The following KIF18A variants were observed in gnomAD, a reference collection of about 807,000 sequenced individuals.
KIF18A encodes kinesin-like protein KIF18A.
A neutral mutation model predicts 103.3 loss-of-function variants in KIF18A; 67 were observed. The observed-to-expected ratio is 0.65, with a 90% confidence interval of 0.53 to 0.79. The LOEUF is 0.79. KIF18A is among the 30% of genes least tolerant of loss of function. KIF18A has a pLI of 0.00. For missense variants in KIF18A, 1,032 were observed against 1,062.5 expected (o/e 0.97, Z 0.40); for synonymous variants, 367 against 355.5 (o/e 1.03, Z -0.36).
At chr11:28,063,339 C>G (rs919432027) in intron 11 of KIF18A, among the ~76,000 whole-genome samples, 1 of 152,040 alleles carries the variant, frequency 6.6e-6, no homozygotes, top group Non-Finnish European at 1.5e-5. Context: ...CCAAATATTA[C>G]GTCTGTTCTC....
chr11:28,084,366 AG>A (rs1851200464), intron 7 of KIF18A: 1 of 156,178 alleles, frequency 6.4e-6, no homozygotes, highest in Non-Finnish European at 1.4e-5. Flanking sequence ...GACATCAAAG[AG>A]GTTAGGGAGA....
chr11:28,058,575 T>C (rs898649308), intron 13 of KIF18A, among the ~76,000 whole-genome samples: 2 of 136,048 alleles, frequency 1.5e-5, no homozygotes, highest in Admixed American at 1.7e-4. Flanking sequence ...AGTGGAAGGA[T>C]TGCTAGAGCC....
chr11:28,031,749 G>A (rs944739889), intron 15 of KIF18A, among the ~76,000 whole-genome samples: 1 of 151,054 alleles, frequency 6.6e-6, no homozygotes, highest in Non-Finnish European at 1.5e-5. Context: ...AGCCATACAC[G>A]ACAGACCCAC....
At chr11:28,096,547 T>G (rs894953172) in intron 2 of KIF18A, among the ~76,000 whole-genome samples, 4 of 152,114 alleles carry the variant, frequency 2.6e-5, no homozygotes, top group African/African-American at 7.2e-5. Context: ...AGAGTCTACT[T>G]TTTTTCTTAG....
At chr11:28,052,266 C>G (rs1447483337) in intron 13 of KIF18A, among the ~76,000 whole-genome samples, 4 of 152,064 alleles carry the variant, frequency 2.6e-5, no homozygotes, top group Admixed American at 6.6e-5. Context: ...TGTTACATTT[C>G]TGCTCAGACC....
At chr11:28,101,069 G>A (rs905357191) in intron 1 of KIF18A, among the ~76,000 whole-genome samples, 1 of 152,094 alleles carries the variant, frequency 6.6e-6, no homozygotes, top group African/African-American at 2.4e-5. Flanking sequence ...AAGAGACTGA[G>A]TTCATCTTTT....
At chr11:28,024,132 A>G (rs1320166608) in intron 15 of KIF18A, among the ~76,000 whole-genome samples, 1 of 151,176 alleles carries the variant, frequency 6.6e-6, no homozygotes, top group Non-Finnish European at 1.5e-5. Context: ...CTTTGCTGGC[A>G]GATAAGTAAG....
intron 13 of KIF18A, 29 bp from the exon 14 acceptor site, chr11:28,036,693 G>A (rs745412515): frequency 2.2e-6 from 3 of 1,385,070 alleles, no homozygotes; most frequent in South Asian, 2.9e-5. Context: ...AAAGACACTC[G>A]ATAATGTTTC....
At chr11:28,061,837 G>A (rs553227946) in intron 12 of KIF18A, among the ~76,000 whole-genome samples, 1 of 151,616 alleles carries the variant, frequency 6.6e-6, no homozygotes, top group South Asian at 2.1e-4. Flanking sequence ...TATCCAATGT[G>A]ACAAAAAAAA....
In KIF18A at chr11:28,100,568, G is replaced by GT. The variant is rs1006463479; in HGVS notation, c.-46-2576_-46-2575insA. Among the ~76,000 whole-genome samples, 8 of 150,352 alleles carry GT rather than the reference G, an allele frequency of 5.3e-5. No individual in the cohort carries two copies. The South Asian group carries it at 8.5e-4, about 16-fold the overall frequency. On this transcript the variant is annotated intron_variant, in intron 1 of 16. Coordinates refer to ENST00000263181, the MANE Select transcript of KIF18A (RefSeq NM_031217.4). ...GAAAAATGGTGTGAGTGAAGGGGGG[G>GT]GGTGGTGTCAAGATGTTTTGTTTGT...
intron 13 of KIF18A, among the ~76,000 whole-genome samples, chr11:28,049,392 T>C (rs992397034): frequency 4.6e-5 from 7 of 152,028 alleles, no homozygotes; most frequent in African/African-American, 7.2e-5. Context: ...CATCTTTTGA[T>C]GTGCCATATC....
intron 13 of KIF18A, among the ~76,000 whole-genome samples, chr11:28,052,506 G>A (rs1047187661): frequency 1.3e-5 from 2 of 151,920 alleles, no homozygotes; most frequent in African/African-American, 4.8e-5. Context: ...ACCTAAAAAA[G>A]TTTCTTCTCC....
At chr11:28,059,888 A>C (rs184807336) in intron 12 of KIF18A, among the ~76,000 whole-genome samples, 2 of 151,830 alleles carry the variant, frequency 1.3e-5, no homozygotes, top group Admixed American at 1.3e-4. Flanking sequence ...ACATTAAAAC[A>C]CACACACACA....
chr11:28,071,797 T>A lies in KIF18A; in HGVS notation c.1426-2374A>T, dbSNP rs1047764968. Among the ~76,000 whole-genome samples, 47 of 152,140 alleles carry A rather than the reference T, an allele frequency of 3.1e-4. 1 individual carries two copies. Among genetic ancestry groups the A allele is most frequent in the Non-Finnish European group, 2.9e-5 (2 of 68,016 alleles). On this transcript the variant is annotated intron_variant, in intron 10 of 16. Coordinates refer to ENST00000263181, the MANE Select transcript of KIF18A (RefSeq NM_031217.4). ...ATTTAGGCAAACAGATTTTAGTGGG[T>A]CTTCAGTTACTTCGTCTGAAAAATG...
chr11:28,082,114 T>C (rs1261784800), intron 9 of KIF18A, among the ~76,000 whole-genome samples: 1 of 152,144 alleles, frequency 6.6e-6, no homozygotes, highest in Non-Finnish European at 1.5e-5. Flanking sequence ...GAAAATGGTT[T>C]CTTGAGAAAG....
At chr11:28,058,029 C>T (rs1320796779) in intron 13 of KIF18A, among the ~76,000 whole-genome samples, 2 of 152,082 alleles carry the variant, frequency 1.3e-5, no homozygotes, top group South Asian at 4.1e-4. Context: ...AAATATTTAA[C>T]AGCATTTAAT....
intron 6 of KIF18A, among the ~76,000 whole-genome samples, chr11:28,087,676 A>G (rs1851246203): frequency 6.6e-6 from 1 of 152,162 alleles, no homozygotes; most frequent in Non-Finnish European, 1.5e-5. Flanking sequence ...GTCTTCCACA[A>G]TGGTTCAACT....
At position 28,059,150 on chromosome 11, in the gene KIF18A, G is replaced by A. The variant is rs756594556; in HGVS notation, c.1724C>T (p.Ala575Val). 6.2e-6 allele frequency: 10 copies of A among 1,607,834 alleles called. No homozygotes were observed. Among genetic ancestry groups the A allele is most frequent in the Admixed American group, 1.7e-5 (1 of 59,990 alleles). ...TTGTTTTCTTAGGGTTGGAAGTAAA[G>A]CATTCAATACTCTATATACAGAAGA... ...QHRQTEAVLNALLPTLRKQYC... is the reference protein window; with the variant it reads ...QHRQTEAVLNVLLPTLRKQYC... Residue 575 changes from alanine to valine, a missense_variant, in exon 13 of 17, where the codon GCT becomes GTT. Physicochemically the swap from Ala to Val is moderately conservative, Grantham distance 64. Coordinates refer to ENST00000263181, the MANE Select transcript of KIF18A (RefSeq NM_031217.4).
intron 15 of KIF18A, among the ~76,000 whole-genome samples, chr11:28,029,174 T>C (rs1376106633): frequency 6.6e-6 from 1 of 152,166 alleles, no homozygotes; most frequent in East Asian, 1.9e-4. Context: ...CCCTAACTCA[T>C]TTTATGAGAC....
Sources: allele counts gnomAD v4.1 joint callset (sites outside exome capture counted in the v4.1 genomes callset), GRCh38; gene constraint gnomAD v4.1.1; transcripts MANE v1.5; gene names NCBI Gene and HGNC (gene_info 2026-07-23, HGNC 2026-07-21).